The following ZNF445 variants were observed in gnomAD, a reference collection of about 807,000 sequenced individuals.
ZNF445 encodes the protein zinc finger protein 445, also known as zinc finger protein 168.
In ZNF445, 19 loss-of-function variants were observed where a neutral mutation model predicts 93.9. The ratio of observed to expected loss-of-function variants is 0.20; its 90% CI spans 0.14 to 0.30. The LOEUF (loss-of-function observed/expected upper bound fraction) is 0.30, where lower values mean the gene tolerates loss of function less well. Ranked by LOEUF, ZNF445 falls within the 10% of genes least tolerant of loss-of-function variation. The pLI is 1.00. For missense variants in ZNF445, 1,058 were observed against 1,259.4 expected, an observed-to-expected ratio of 0.84 and a Z score of 2.42; for synonymous variants, 449 against 446.3, an observed-to-expected ratio of 1.01 and a Z score of -0.08.
At chr3:44,450,387 G>A in intron 6 of ZNF445, 60 bp downstream of exon 6, 1 of 1,611,016 alleles carries the variant, frequency 6.2e-7, no homozygotes, top group Non-Finnish European at 8.5e-7. Flanking sequence ...ATGCAGCACA[G>A]AACAACCCAA....
rs1213871866 is a variant in ZNF445 at position 44,447,682 on chromosome 3, C to T, written c.1989G>A (p.Arg663=). The change falls in exon 8 of 8, where the codon AGG becomes AGA. Residue 663 remains arginine (R), a synonymous_variant. Coordinates refer to ENST00000396077, the MANE Select transcript of ZNF445 (RefSeq NM_181489.6). The surrounding 1 kb of genome is among the most constrained non-coding windows in gnomAD (Gnocchi z 4.7). ...GGGGCTGACTGCAGTCAGGAGATTG[C>T]CTGAAGCCTTCACGACATTCATCTT... The part of the protein sequence containing the change: ...YKQDECREGF[R]QSPDCSQPQG... 1 of 1,614,112 alleles carries T rather than the reference C, an allele frequency of 6.2e-7. No homozygotes were observed.
chr3:44,463,011 TTGTGTGTGTGTGTGTGTGTGTG>T (rs61329186), intron 1 of ZNF445, among the ~76,000 whole-genome samples: 6 of 144,456 alleles, frequency 4.2e-5, no homozygotes, highest in South Asian at 2.2e-4. Context: ...ATTTTTTTCT[TTGTGTGTGTGTGTGTGTGTGTG>T]TGTGTGTGTG....
intron 1 of ZNF445, among the ~76,000 whole-genome samples, chr3:44,470,706 T>C (rs149279847): frequency 6.6e-6 from 1 of 152,338 alleles, no homozygotes; most frequent in East Asian, 1.9e-4. Flanking sequence ...TCCTTCCTTA[T>C]TTGCCTATGT....
rs1697877978 is a variant in ZNF445 at position 44,446,403 on chromosome 3, T to C, written c.*172A>G. On this transcript the variant is annotated 3_prime_UTR_variant, in exon 8 of 8. Coordinates refer to ENST00000396077, the MANE Select transcript of ZNF445 (RefSeq NM_181489.6). This position sits in a 1 kb window ranked among gnomAD's most constrained non-coding sequence, Gnocchi z 4.2. ...GCTGCACTTCCCCAGCGTCACATCC[T>C]AGCAGGCAGGCTGGGGACTCCCCGA... The C allele has an allele frequency of 7.8e-6, 7 of 901,736 alleles. No homozygotes were observed. Among genetic ancestry groups the C allele is most frequent in the Non-Finnish European group, 9.9e-6 (6 of 608,242 alleles). The allele number at this position is 901,736 out of a possible 1,614,324, so 55.9% of individuals were successfully genotyped here.
At chr3:44,460,569 G>GC (rs960653572) in intron 1 of ZNF445, among the ~76,000 whole-genome samples, 8 of 152,134 alleles carry the variant, frequency 5.3e-5, no homozygotes, top group African/African-American at 9.7e-5. Context: ...TGAGCTTGTG[G>GC]CCCCCCACCC....
rs1381230444 is a variant in ZNF445, at chr3:44,442,443, G to C, written c.*4132C>G. 1 of 152,228 alleles carries C rather than the reference G, an allele frequency of 6.6e-6. No individual in the cohort carries two copies. The highest frequency in any genetic ancestry group is 1.9e-4 in the East Asian group (1 of 5,200). 9.4% of individuals were successfully genotyped at this position (152,228 alleles called of 1,614,324 possible). ...TCTCACAATTTCTACTCATAAAGCA[G>C]TGTGAATTATCGTTGTTCCACGCAC... On this transcript the variant is annotated 3_prime_UTR_variant, in exon 8 of 8. Coordinates refer to ENST00000396077, the MANE Select transcript of ZNF445 (RefSeq NM_181489.6).
intron 1 of ZNF445, among the ~76,000 whole-genome samples, chr3:44,459,910 C>G (rs1698086135): frequency 6.6e-6 from 1 of 152,152 alleles, no homozygotes; most frequent in African/African-American, 2.4e-5. Context: ...TTCTAAGAAT[C>G]TACTGTGAGA....
rs1433801780 is a variant in ZNF445 at position 44,441,259 on chromosome 3, T to G, written c.*5316A>C. 1 of 152,202 alleles carries G rather than the reference T, an allele frequency of 6.6e-6. No homozygotes were observed. The highest frequency in any genetic ancestry group is 2.4e-5 in the African/African-American group (1 of 41,444). The allele number at this position is 152,202 out of a possible 1,614,324, so 9.4% of individuals were successfully genotyped here. ...TCATGGCACTGGTGGGAGTGTCTGTTAGCATGCTAATGCATTATAATTACA... is the reference window on the plus strand; with the variant it reads ...TCATGGCACTGGTGGGAGTGTCTGTGAGCATGCTAATGCATTATAATTACA... On this transcript the variant is annotated 3_prime_UTR_variant, in exon 8 of 8. Coordinates refer to ENST00000396077, the MANE Select transcript of ZNF445 (RefSeq NM_181489.6).
At chr3:44,471,675 A>G (rs1698270561) in intron 1 of ZNF445, among the ~76,000 whole-genome samples, 1 of 152,222 alleles carries the variant, frequency 6.6e-6, no homozygotes, top group African/African-American at 2.4e-5. Context: ...AAGAAGACTC[A>G]CACTAGAAGG....
In ZNF445 at chr3:44,436,608, T is replaced by C. The variant is rs1429018969; in HGVS notation, c.*9967A>G. ...ACAGTATACCAACGAAGTTCTCGCA[T>C]TTCAACTCATTCAGTGCAGGTTATG... On this transcript the variant is annotated 3_prime_UTR_variant, in exon 8 of 8. Transcript: ENST00000396077. 3 of 152,234 alleles carry C rather than the reference T, an allele frequency of 2.0e-5. No homozygotes were observed. The highest frequency in any genetic ancestry group is 2.9e-5 in the Non-Finnish European group (2 of 68,060). 9.4% of individuals were successfully genotyped at this position (152,234 alleles called of 1,614,324 possible). A position where few individuals can be genotyped will look rare whatever the true frequency, so the allele number is the denominator to read the frequency against.
At chr3:44,468,052 C>T (rs1042677405) in intron 1 of ZNF445, among the ~76,000 whole-genome samples, 4 of 152,210 alleles carry the variant, frequency 2.6e-5, no homozygotes, top group Non-Finnish European at 5.9e-5. Context: ...TACTAATGTT[C>T]TAGCCATGCA....
intron 1 of ZNF445, among the ~76,000 whole-genome samples, chr3:44,475,293 G>A (rs576564721): frequency 2.0e-3 from 304 of 152,118 alleles, no homozygotes; most frequent in African/African-American, 7.0e-3. Flanking sequence ...CCGCCTCCTG[G>A]GTTCAAGCAA....
At chr3:44,457,896 C>G (rs971434333) in intron 2 of ZNF445, among the ~76,000 whole-genome samples, 14 of 151,744 alleles carry the variant, frequency 9.2e-5, no homozygotes, top group Non-Finnish European at 1.8e-4. Context: ...GCCTGTAATC[C>G]CAGCTACTCA....
Position 44,433,437 on chromosome 3 carries a change from G to A in ZNF445, c.*13138C>T, listed in dbSNP as rs190252993. 1.2e-4 allele frequency: 18 copies of A among 152,328 alleles called. No individual in the cohort carries two copies. Among genetic ancestry groups the A allele is most frequent in the Admixed American group, 1.1e-3 (17 of 15,290 alleles). 9.4% of individuals were successfully genotyped at this position (152,328 alleles called of 1,614,324 possible). ...CTGTTCTTTTCATCTTTCCTGCTGA[G>A]ACAGGAGATTGAGGATGTGGACATT... On this transcript the variant is annotated 3_prime_UTR_variant, in exon 8 of 8. Coordinates refer to ENST00000396077, the MANE Select transcript of ZNF445 (RefSeq NM_181489.6).
At position 44,440,425 on chromosome 3, in the gene ZNF445, G is replaced by A. The variant is rs549014132; in HGVS notation, c.*6150C>T. Reference sequence around the variant, plus strand: ...CTTGTTATTTATTAAGCAAAATTAAGGAGATTTAGGCAAGGAGGAGCTTAT... The same window carrying A: ...CTTGTTATTTATTAAGCAAAATTAAAGAGATTTAGGCAAGGAGGAGCTTAT... On this transcript the variant is annotated 3_prime_UTR_variant, in exon 8 of 8. Transcript: ENST00000396077. 1 of 152,244 alleles carries A rather than the reference G, an allele frequency of 6.6e-6. No individual in the cohort carries two copies. Among genetic ancestry groups the A allele is most frequent in the African/African-American group, 2.4e-5 (1 of 41,536 alleles). The allele number at this position is 152,244 out of a possible 1,614,324, so 9.4% of individuals were successfully genotyped here. A position where few individuals can be genotyped will look rare whatever the true frequency, so the allele number is the denominator to read the frequency against.
At chr3:44,460,860 C>T (rs1698104670) in intron 1 of ZNF445, among the ~76,000 whole-genome samples, 1 of 152,180 alleles carries the variant, frequency 6.6e-6, no homozygotes, top group South Asian at 2.1e-4. Flanking sequence ...AATTTGGGGG[C>T]TTGTCCAGGA....
chr3:44,452,119 G>T (rs1697966124), intron 3 of ZNF445, among the ~76,000 whole-genome samples: 1 of 152,124 alleles, frequency 6.6e-6, no homozygotes, highest in Non-Finnish European at 1.5e-5. Flanking sequence ...GGAAGCATTT[G>T]CCCTAAGACT....
chr3:44,468,364 C>T (rs1366929759), intron 1 of ZNF445, among the ~76,000 whole-genome samples: 2 of 152,218 alleles, frequency 1.3e-5, no homozygotes, highest in Non-Finnish European at 2.9e-5. Context: ...TTCCTGGGCA[C>T]AGGCTGAACT....
At position 44,434,587 on chromosome 3, in the gene ZNF445, T is replaced by C. The variant is rs1199650931; in HGVS notation, c.*11988A>G. On this transcript the variant is annotated 3_prime_UTR_variant, in exon 8 of 8. Coordinates refer to ENST00000396077, the MANE Select transcript of ZNF445 (RefSeq NM_181489.6). ...GTCATCAATATAATGGACCAGTGTG[T>C]CGTCCTGAGGGTGAAAAGGTTCTCA... 2 of 152,178 alleles carry C rather than the reference T, an allele frequency of 1.3e-5. No individual in the cohort carries two copies. The highest frequency in any genetic ancestry group is 2.9e-5 in the Non-Finnish European group (2 of 68,032). The allele number at this position is 152,178 out of a possible 1,614,324, so 9.4% of individuals were successfully genotyped here.
Sources: gnomAD v4.1 joint callset for allele counts (sites outside exome capture counted in the v4.1 genomes callset) on GRCh38, gnomAD v4.1.1 for gene constraint, Gnocchi (gnomAD v3.1) non-coding constraint, MANE v1.5 for transcripts, NCBI Gene and HGNC (gene_info 2026-07-23, HGNC 2026-07-21) for gene names.